SLC30A9: variants seen among roughly 807,000 people sequenced by gnomAD.
SLC30A9 encodes the protein solute carrier family 30 member 9.
In SLC30A9, 58 loss-of-function variants were observed where a neutral mutation model predicts 87.5. That is an observed-to-expected ratio of 0.66 (90% CI 0.54 to 0.82). The LOEUF (loss-of-function observed/expected upper bound fraction) is 0.82, where lower values mean the gene tolerates loss of function less well. Ranked by LOEUF, SLC30A9 falls within the 40% of genes least tolerant of loss-of-function variation. SLC30A9 has a pLI of 0.00. For missense variants in SLC30A9, 557 were observed against 679.1 expected (o/e 0.82, Z 2.00); for synonymous variants, 234 against 233.0 (o/e 1.00, Z -0.04).
At chr4:42,016,038 A>G (rs938911550) in intron 2 of SLC30A9, among the ~76,000 whole-genome samples, 1 of 152,146 alleles carries the variant, frequency 6.6e-6, no homozygotes, top group African/African-American at 2.4e-5. Flanking sequence ...CAGTTTCCTC[A>G]TAACAAGGAA....
At chr4:42,015,840 A>G (rs1262710818) in intron 2 of SLC30A9, among the ~76,000 whole-genome samples, 4 of 151,988 alleles carry the variant, frequency 2.6e-5, no homozygotes, top group South Asian at 2.1e-4. Context: ...TTGGTAATCT[A>G]GTATCTATTC....
In SLC30A9 at chr4:42,044,123, C is replaced by T. The variant is rs567151546; in HGVS notation, c.737+5070C>T. On this transcript the variant is annotated intron_variant, in intron 8 of 17. Transcript: ENST00000264451. ...CAAAAACATACCAAATTGTAAAGAC[C>T]ATTGACACTATAAAGAAACTGCATC... 2.0e-5 allele frequency among the ~76,000 whole-genome samples: 3 copies of T among 152,168 alleles called. 1 individual carries two copies. The South Asian group carries it at 6.2e-4, about 32-fold the overall frequency.
intron 6 of SLC30A9, among the ~76,000 whole-genome samples, chr4:42,024,378 T>C (rs999076542): frequency 4.6e-5 from 7 of 152,214 alleles, no homozygotes; most frequent in African/African-American, 1.4e-4. Context: ...TTATAGATAG[T>C]GGTATAATCA....
At chr4:42,058,385 A>G (rs767544300) in intron 9 of SLC30A9, among the ~76,000 whole-genome samples, 39 of 152,334 alleles carry the variant, frequency 2.6e-4, no homozygotes, top group Non-Finnish European at 5.0e-4. Flanking sequence ...GGGCAAAGCC[A>G]TTCAACAAGT....
chr4:42,015,770 T>C (rs1189887994), intron 2 of SLC30A9, among the ~76,000 whole-genome samples: 1 of 152,158 alleles, frequency 6.6e-6, no homozygotes, highest in Non-Finnish European at 1.5e-5. Flanking sequence ...TCAACTATTG[T>C]GTCCATTCCC....
intron 17 of SLC30A9, among the ~76,000 whole-genome samples, chr4:42,081,610 T>C (rs1718742517): frequency 6.6e-6 from 1 of 152,258 alleles, no homozygotes; most frequent in Non-Finnish European, 1.5e-5. Context: ...TAGCACAAGA[T>C]TGAATAAACT....
chr4:42,039,147 A>G, intron 8 of SLC30A9, 94 bp downstream of exon 8: 3 of 929,552 alleles, frequency 3.2e-6, no homozygotes, highest in South Asian at 1.5e-5. Context: ...GTAGCTAGCT[A>G]TAGAGTTTGA....
intron 7 of SLC30A9, among the ~76,000 whole-genome samples, chr4:42,037,776 A>AT (rs1716751475): frequency 6.6e-6 from 1 of 152,008 alleles, no homozygotes; most frequent in Non-Finnish European, 1.5e-5. Context: ...TGATTATGGA[A>AT]TTTTTTAATA....
At chr4:41,990,973 C>T (rs1388880828) in intron 1 of SLC30A9, among the ~76,000 whole-genome samples, 3 of 152,250 alleles carry the variant, frequency 2.0e-5, no homozygotes, top group African/African-American at 4.8e-5. Flanking sequence ...TAGCATGGCC[C>T]CCGCGGGAAC....
At chr4:42,069,333 C>A (rs1718212987) in intron 14 of SLC30A9, among the ~76,000 whole-genome samples, 1 of 151,994 alleles carries the variant, frequency 6.6e-6, no homozygotes, top group Admixed American at 6.6e-5. Context: ...AAATAACATG[C>A]CAAGAAATAA....
chr4:42,082,934 A>G (rs1718794940), intron 17 of SLC30A9, among the ~76,000 whole-genome samples: 1 of 152,108 alleles, frequency 6.6e-6, no homozygotes, highest in South Asian at 2.1e-4. Context: ...AGATTCCCAT[A>G]TTACAAGATA....
intron 8 of SLC30A9, among the ~76,000 whole-genome samples, chr4:42,039,712 C>T (rs538907905): frequency 3.9e-5 from 6 of 152,140 alleles, no homozygotes; most frequent in African/African-American, 1.2e-4. Context: ...CTGCCCACCT[C>T]GGCCTCCCAA....
intron 3 of SLC30A9, 156 bp downstream of exon 3, chr4:42,018,326 T>C: frequency 1.2e-6 from 1 of 852,806 alleles, no homozygotes; most frequent in Non-Finnish European, 1.8e-6. Context: ...ATTTATTCTC[T>C]TACATATAAA....
intron 2 of SLC30A9, among the ~76,000 whole-genome samples, chr4:42,016,791 C>A (rs1715739456): frequency 3.0e-5 from 2 of 66,178 alleles, no homozygotes; most frequent in Admixed American, 2.0e-4. Flanking sequence ...GTGAATATAA[C>A]ATGGTCTATC....
intron 17 of SLC30A9, among the ~76,000 whole-genome samples, chr4:42,085,790 A>C (rs1419701451): frequency 6.6e-6 from 1 of 152,008 alleles, no homozygotes; most frequent in Non-Finnish European, 1.5e-5. Context: ...CCACACAAAA[A>C]TGTGTATTTC....
intron 7 of SLC30A9, 21 bp downstream of exon 7, chr4:42,035,354 ATGTG>A: frequency 6.2e-7 from 1 of 1,600,536 alleles, no homozygotes; most frequent in Non-Finnish European, 8.5e-7. Context: ...CTTTGTAATA[ATGTG>A]TGTGTTTGTG....
intron 6 of SLC30A9, among the ~76,000 whole-genome samples, chr4:42,033,954 A>G (rs1716567157): frequency 6.6e-6 from 1 of 152,154 alleles, no homozygotes; most frequent in Non-Finnish European, 1.5e-5. Flanking sequence ...TTTATTTTAT[A>G]ATACTCTGTT....
chr4:42,062,562 T>C (rs564855576), intron 10 of SLC30A9, among the ~76,000 whole-genome samples: 3 of 152,206 alleles, frequency 2.0e-5, no homozygotes, highest in Non-Finnish European at 4.4e-5. Context: ...CATCAAATTA[T>C]AGGTATTATA....
At chr4:42,005,039 C>A (rs991071111) in intron 2 of SLC30A9, among the ~76,000 whole-genome samples, 1 of 152,090 alleles carries the variant, frequency 6.6e-6, no homozygotes, top group Non-Finnish European at 1.5e-5. Context: ...CCTTTTATTA[C>A]ATTAGATACG....
Sources: gnomAD v4.1 joint callset for allele counts (sites outside exome capture counted in the v4.1 genomes callset) on GRCh38, gnomAD v4.1.1 for gene constraint, MANE v1.5 for transcripts, NCBI Gene and HGNC (gene_info 2026-07-23, HGNC 2026-07-21) for gene names.